Variants in TNR observed in about 807,000 individuals in gnomAD.
TNR encodes tenascin R, also known as tenascin-R.
TNR carries 45 observed loss-of-function variants against 150.4 expected under a neutral mutation model. The ratio of observed to expected loss-of-function variants is 0.30; its 90% CI spans 0.24 to 0.38. The LOEUF (loss-of-function observed/expected upper bound fraction) is 0.38, where lower values mean the gene tolerates loss of function less well. TNR is among the 10% of genes least tolerant of loss of function. The pLI is 1.00. For synonymous variants in TNR, 687 were observed against 678.4 expected, an observed-to-expected ratio of 1.01 and a Z score of -0.20; for missense variants, 1,544 against 1,759.1, an observed-to-expected ratio of 0.88 and a Z score of 2.19.
At chr1:175,650,726 C>CAACCTCATTATTA (rs1664937744) in intron 1 of TNR, among the ~76,000 whole-genome samples, 1 of 230 alleles carries the variant, frequency 4.3e-3, no homozygotes, top group African/African-American at 0.015. Context: ...CCCTACCCCT[C>CAACCTCATTATTA]CCCGCCTCAT....
chr1:175,466,544 G>A (rs968903742), intron 2 of TNR, among the ~76,000 whole-genome samples: 1 of 152,178 alleles, frequency 6.6e-6, no homozygotes, highest in Non-Finnish European at 1.5e-5. Context: ...CTGGATCTCT[G>A]TTCAGTTACT....
intron 1 of TNR, among the ~76,000 whole-genome samples, chr1:175,647,950 T>C (rs879576784): frequency 1.3e-5 from 2 of 152,192 alleles, no homozygotes; most frequent in Non-Finnish European, 2.9e-5. Context: ...TGGCAGGAGC[T>C]TTGGCTCACC....
intron 1 of TNR, among the ~76,000 whole-genome samples, chr1:175,579,235 A>ACCTG (rs1206237326): frequency 1.2e-4 from 13 of 112,240 alleles, no homozygotes; most frequent in African/African-American, 4.6e-4. Context: ...TTGCCTGCCT[A>ACCTG]CCTGCCTGCC....
intron 1 of TNR, among the ~76,000 whole-genome samples, chr1:175,670,781 G>A (rs775738328): frequency 4.6e-5 from 7 of 152,066 alleles, no homozygotes; most frequent in Non-Finnish European, 7.4e-5. Context: ...CGGGAGGGTC[G>A]GATGGACCTA....
chr1:175,472,390 T>C (rs192857579), intron 2 of TNR, among the ~76,000 whole-genome samples: 166 of 152,332 alleles, frequency 1.1e-3, no homozygotes, highest in African/African-American at 3.8e-3. Flanking sequence ...AAAATGACTA[T>C]AAAAAGTGTA....
intron 2 of TNR, among the ~76,000 whole-genome samples, chr1:175,417,494 C>A (rs911867759): frequency 2.0e-5 from 3 of 152,134 alleles, no homozygotes; most frequent in East Asian, 1.9e-4. Flanking sequence ...TTGGTGTGTG[C>A]CTGTTAGATA....
intron 1 of TNR, among the ~76,000 whole-genome samples, chr1:175,742,580 C>CA (rs1667961768): frequency 6.6e-6 from 1 of 152,180 alleles, no homozygotes; most frequent in African/African-American, 2.4e-5. Flanking sequence ...CTCAACCCCC[C>CA]AAAGCCGCCC....
At chr1:175,353,625 AC>A (rs1206631381) in intron 18 of TNR, among the ~76,000 whole-genome samples, 1 of 152,126 alleles carries the variant, frequency 6.6e-6, no homozygotes, top group African/African-American at 2.4e-5. Context: ...GGCCTTCCTG[AC>A]CAGTTGTTAT....
At chr1:175,462,973 G>A (rs527634918) in intron 2 of TNR, among the ~76,000 whole-genome samples, 10 of 152,318 alleles carry the variant, frequency 6.6e-5, no homozygotes, top group African/African-American at 2.2e-4. Context: ...GCGAGAGAGC[G>A]TGTTTTAGAA....
At position 175,499,940 on chromosome 1, in the gene TNR, A is replaced by T. The variant is rs75754812; in HGVS notation, c.-64+28329T>A. 3.8e-3 allele frequency among the ~76,000 whole-genome samples: 572 copies of T among 152,356 alleles called. 2 individuals carry two copies. Among genetic ancestry groups the T allele is most frequent in the South Asian group, 0.031 (151 of 4,826 alleles). On this transcript the variant is annotated intron_variant, in intron 2 of 22. Coordinates refer to ENST00000367674, the MANE Select transcript of TNR (RefSeq NM_003285.3). Reference sequence around the variant, plus strand: ...ATGGTGCAATACAGCAGAATATCTGAAAATGAAAGTACCCCAGAAAATACA... The same window carrying T: ...ATGGTGCAATACAGCAGAATATCTGTAAATGAAAGTACCCCAGAAAATACA...
chr1:175,478,953 G>A (rs1331875106), intron 2 of TNR, among the ~76,000 whole-genome samples: 1 of 152,060 alleles, frequency 6.6e-6, no homozygotes, highest in Non-Finnish European at 1.5e-5. Context: ...GGGGCATATG[G>A]GTTACATTAG....
intron 1 of TNR, among the ~76,000 whole-genome samples, chr1:175,696,016 A>ATG (rs1314553420): frequency 1.5e-5 from 1 of 65,284 alleles, no homozygotes; most frequent in African/African-American, 5.9e-5. Context: ...ATGGATGGAC[A>ATG]GATAGATTAA....
At chr1:175,500,687 GC>G (rs1658699579) in intron 2 of TNR, among the ~76,000 whole-genome samples, 1 of 152,326 alleles carries the variant, frequency 6.6e-6, no homozygotes, top group South Asian at 2.1e-4. Flanking sequence ...GCTCCATGCA[GC>G]AAGGCAGCAG....
intron 2 of TNR, among the ~76,000 whole-genome samples, chr1:175,409,294 C>G (rs1654100303): frequency 6.6e-6 from 1 of 152,142 alleles, no homozygotes; most frequent in Non-Finnish European, 1.5e-5. Context: ...TCACATAACA[C>G]CCCGTAGCAC....
rs770326163 is a variant in TNR, at chr1:175,363,793, A to T, written c.2622T>A (p.Asn874Lys). The change falls in exon 13 of 23, where the codon AAT becomes AAA. Residue 874 changes from asparagine (N) to lysine (K), a missense_variant. Physicochemically the swap from Asn to Lys is moderately conservative, Grantham distance 94. Around this residue, in one of 2 missense-constraint regions of TNR, gnomAD observed 1,254 missense variants for 1,329.4 expected, o/e 0.94. Coordinates refer to ENST00000367674, the MANE Select transcript of TNR (RefSeq NM_003285.3). ...AGACCATCACTGAGTCCTTGGTCAC[A>T]TTGCTAATTGTGATGTCTTTTGGGG... ...IDPPKDITIS[N>K]VTKDSVMVSW... 1.9e-6 allele frequency: 3 copies of T among 1,613,572 alleles called. No homozygotes were observed. The East Asian group carries it at 6.7e-5, about 36-fold the overall frequency.
intron 17 of TNR, among the ~76,000 whole-genome samples, chr1:175,355,018 G>T (rs1464067342): frequency 2.0e-5 from 3 of 152,164 alleles, no homozygotes; most frequent in Non-Finnish European, 4.4e-5. Flanking sequence ...TTTCTTTACT[G>T]TAGGCTACAC....
chr1:175,497,244 G>C (rs1053218113), intron 2 of TNR, among the ~76,000 whole-genome samples: 1 of 152,162 alleles, frequency 6.6e-6, no homozygotes. Context: ...CCTCGGTTTT[G>C]GTTTGGCGTG....
At chr1:175,686,523 A>T (rs1047316166) in intron 1 of TNR, among the ~76,000 whole-genome samples, 1 of 152,174 alleles carries the variant, frequency 6.6e-6, no homozygotes. Context: ...GTATGTGTGC[A>T]GATTTGTTAC....
rs1437841723 is a variant in TNR, at chr1:175,323,651, A to T, written c.3958-175T>A. Among the ~76,000 whole-genome samples, 4 of 152,216 alleles carry T rather than the reference A, an allele frequency of 2.6e-5. No homozygotes were observed. The East Asian group carries it at 7.7e-4, about 29-fold the overall frequency. On this transcript the variant is annotated intron_variant, in intron 22 of 22. Transcript: ENST00000367674. ...AGTGAAAGGGGCAGAGTCTCTTTCTAGCTTTCTCCTTAAATGTGCCGGTGG... is the reference window on the plus strand; with the variant it reads ...AGTGAAAGGGGCAGAGTCTCTTTCTTGCTTTCTCCTTAAATGTGCCGGTGG...
Sources: gnomAD v4.1 joint callset for allele counts (sites outside exome capture counted in the v4.1 genomes callset) on GRCh38, gnomAD v4.1.1 for gene constraint, gnomAD v4.1.1 regional missense constraint, MANE v1.5 for transcripts, NCBI Gene and HGNC (gene_info 2026-07-23, HGNC 2026-07-21) for gene names.